The following ME3 variants were observed in gnomAD, a reference collection of about 807,000 sequenced individuals.
ME3 encodes malic enzyme 3, also known as NADP-dependent malic enzyme, mitochondrial.
In ME3, 48 loss-of-function variants were observed where a neutral mutation model predicts 68.9. That is an observed-to-expected ratio of 0.70 (90% CI 0.55 to 0.89). The LOEUF (loss-of-function observed/expected upper bound fraction) is 0.89, where lower values mean the gene tolerates loss of function less well. Ranked by LOEUF, ME3 falls within the 40% of genes least tolerant of loss-of-function variation. ME3 has a pLI of 0.00. For missense variants in ME3, 675 were observed against 797.4 expected, an observed-to-expected ratio of 0.85 and a Z score of 1.85; for synonymous variants, 320 against 318.8, an observed-to-expected ratio of 1.00 and a Z score of -0.04.
chr11:86,488,673 C>T (rs1360678997), intron 6 of ME3, among the ~76,000 whole-genome samples: 1 of 152,172 alleles, frequency 6.6e-6, no homozygotes, highest in Non-Finnish European at 1.5e-5. Context: ...TTCCTGCCAC[C>T]CCTACACAGA....
chr11:86,630,566 G>A (rs1943950429), intron 2 of ME3, among the ~76,000 whole-genome samples: 1 of 152,210 alleles, frequency 6.6e-6, no homozygotes, highest in Non-Finnish European at 1.5e-5. Context: ...TATAATTTTA[G>A]GTAAAAACCA....
chr11:86,446,991 C>T, intron 12 of ME3, 74 bp downstream of exon 12: 1 of 1,530,932 alleles, frequency 6.5e-7, no homozygotes, highest in Non-Finnish European at 8.8e-7. Flanking sequence ...GAGTATTTTT[C>T]ACCCTCATGA....
At chr11:86,663,016 C>G (rs555907218) in intron 2 of ME3, among the ~76,000 whole-genome samples, 7 of 152,224 alleles carry the variant, frequency 4.6e-5, no homozygotes, top group Admixed American at 1.3e-4. Flanking sequence ...CAAAATAGAA[C>G]AAAACAAAGT....
At chr11:86,571,445 T>G (rs534031657) in intron 2 of ME3, among the ~76,000 whole-genome samples, 1 of 152,352 alleles carries the variant, frequency 6.6e-6, no homozygotes, top group East Asian at 1.9e-4. Flanking sequence ...GTCTGCTCAG[T>G]GCTGCAATGA....
Position 86,485,315 on chromosome 11 carries a change from T to C in ME3, c.809+2022A>G, listed in dbSNP as rs949133859. On this transcript the variant is annotated intron_variant, in intron 7 of 14. Transcript: ENST00000543262. ...TTGGTTCTCTTCACTATCGTAGTTA[T>C]TGCACTCCAAAGGCACTTTAGGTAA... Among the ~76,000 whole-genome samples, 14 of 152,216 alleles carry C rather than the reference T, an allele frequency of 9.2e-5. 1 individual carries two copies. The highest frequency in any genetic ancestry group is 2.9e-5 in the Non-Finnish European group (2 of 68,040).
At chr11:86,657,994 A>T (rs1358350783) in intron 2 of ME3, among the ~76,000 whole-genome samples, 2 of 152,200 alleles carry the variant, frequency 1.3e-5, no homozygotes, top group Non-Finnish European at 2.9e-5. Context: ...AGCTCTTCTT[A>T]GGTTGGCAAC....
chr11:86,556,013 T>C (rs1030801963), intron 4 of ME3, among the ~76,000 whole-genome samples: 3 of 152,174 alleles, frequency 2.0e-5, no homozygotes, highest in African/African-American at 7.2e-5. Flanking sequence ...AAAAACCTGA[T>C]TGCTTTAGAA....
intron 2 of ME3, among the ~76,000 whole-genome samples, chr11:86,591,103 CT>C (rs1410073301): frequency 6.6e-6 from 1 of 152,196 alleles, no homozygotes; most frequent in Non-Finnish European, 1.5e-5. Flanking sequence ...TTCCTAAGCA[CT>C]GCTTTGGCAT....
chr11:86,598,671 C>T (rs1235877788), intron 2 of ME3, among the ~76,000 whole-genome samples: 1 of 152,182 alleles, frequency 6.6e-6, no homozygotes, highest in East Asian at 1.9e-4. Context: ...TGACCCCGAC[C>T]CCCAAGCAGC....
intron 3 of ME3, 31 bp from the exon 4 acceptor site, chr11:86,556,733 A>T: frequency 6.2e-7 from 1 of 1,606,266 alleles, no homozygotes; most frequent in South Asian, 1.1e-5. Flanking sequence ...GCAAGCTGAC[A>T]TGTGGTAGCA....
rs1944243590 is a variant in ME3 at position 86,634,981 on chromosome 11, C to G, written c.183+36781G>C. 5.9e-5 allele frequency among the ~76,000 whole-genome samples: 9 copies of G among 152,324 alleles called. No individual in the cohort carries two copies. The South Asian group carries it at 1.9e-3, about 32-fold the overall frequency. On this transcript the variant is annotated intron_variant, in intron 2 of 14. Coordinates refer to ENST00000543262, the Ensembl canonical transcript of ME3. ...TGAGGGGTGAAATTGTATCTTTGCTCCGTTCTGGATGTTACCAGGCACCGT... is the reference window on the plus strand; with the variant it reads ...TGAGGGGTGAAATTGTATCTTTGCTGCGTTCTGGATGTTACCAGGCACCGT...
intron 4 of ME3, among the ~76,000 whole-genome samples, chr11:86,524,703 G>C (rs2139212820): frequency 6.6e-6 from 1 of 152,292 alleles, no homozygotes; most frequent in South Asian, 2.1e-4. Context: ...TTTAATAAGA[G>C]AGAACAGAAT....
intron 7 of ME3, among the ~76,000 whole-genome samples, chr11:86,482,409 C>A (rs947491786): frequency 1.3e-5 from 2 of 152,008 alleles, no homozygotes; most frequent in Non-Finnish European, 2.9e-5. Flanking sequence ...ATATACCATT[C>A]CCCTGCTTAT....
At chr11:86,608,097 G>T (rs964319589) in intron 2 of ME3, among the ~76,000 whole-genome samples, 3 of 152,112 alleles carry the variant, frequency 2.0e-5, no homozygotes, top group Admixed American at 1.3e-4. Flanking sequence ...AGGTTACAAT[G>T]CAAAAGAAAC....
chr11:86,652,634 A>G (rs1231155017), intron 2 of ME3, among the ~76,000 whole-genome samples: 1 of 152,104 alleles, frequency 6.6e-6, no homozygotes, highest in African/African-American at 2.4e-5. Flanking sequence ...CAGCCACTGC[A>G]AAAACATGCC....
At chr11:86,528,454 G>C (rs1954941744) in intron 4 of ME3, among the ~76,000 whole-genome samples, 1 of 152,136 alleles carries the variant, frequency 6.6e-6, no homozygotes, top group Non-Finnish European at 1.5e-5. Flanking sequence ...CAATGAGACA[G>C]AAAGTTAACA....
At chr11:86,669,618 C>T (rs1254845546) in intron 2 of ME3, among the ~76,000 whole-genome samples, 1 of 152,176 alleles carries the variant, frequency 6.6e-6, no homozygotes, top group Non-Finnish European at 1.5e-5. Context: ...GGAACCACCC[C>T]CGTGATTCAA....
At chr11:86,545,611 T>C (rs1956313546) in intron 4 of ME3, among the ~76,000 whole-genome samples, 1 of 152,150 alleles carries the variant, frequency 6.6e-6, no homozygotes, top group Non-Finnish European at 1.5e-5. Context: ...TTACAAGGGA[T>C]GTGAAGGACC....
At chr11:86,527,652 G>T (rs1594305360) in intron 4 of ME3, among the ~76,000 whole-genome samples, 1 of 152,182 alleles carries the variant, frequency 6.6e-6, no homozygotes, top group South Asian at 2.1e-4. Context: ...ACTAACAGCT[G>T]ATCTCTTGGC....
Sources: allele counts gnomAD v4.1 joint callset (sites outside exome capture counted in the v4.1 genomes callset), GRCh38; gene constraint gnomAD v4.1.1; transcripts MANE v1.5; gene names NCBI Gene and HGNC (gene_info 2026-07-23, HGNC 2026-07-21).